EDA: variants seen among roughly 807,000 people sequenced by gnomAD.
EDA encodes ectodysplasin-A.
A neutral mutation model predicts 23.6 loss-of-function variants in EDA; 2 were observed. The observed-to-expected ratio is 0.08, with a 90% CI of 0.03 to 0.27. The LOEUF is 0.27. EDA is among the 10% of genes least tolerant of loss of function. The probability of loss-of-function intolerance (pLI) is 1.00; values close to 1 mark genes in which losing one functional copy is unlikely to be tolerated. For missense variants in EDA, 229 were observed against 324.2 expected (o/e 0.71, Z 2.26); for synonymous variants, 131 against 132.0 (o/e 0.99, Z 0.05).
rs2013904098 is a variant in EDA, at chrX:69,752,108, A to G, written c.396+135404A>G. On this transcript the variant is annotated intron_variant, in intron 1 of 7. Coordinates refer to ENST00000374552, the MANE Select transcript of EDA (RefSeq NM_001399.5). ...GATTGCCCTGGCCAGAACTTCCAAC[A>G]CTATGTTGAATAGGAGTGGTGAGAG... Among the ~76,000 whole-genome samples, 3 of 111,168 alleles carry G rather than the reference A, an allele frequency of 2.7e-5. No homozygotes were observed. In the South Asian group the frequency reaches 1.2e-3, roughly 43 times the overall value.
chrX:69,832,949 T>C (rs1261064449), intron 1 of EDA, among the ~76,000 whole-genome samples: 2 of 110,439 alleles, frequency 1.8e-5, no homozygotes, highest in African/African-American at 3.3e-5. Context: ...GCTGAGACAA[T>C]GGGGTTTTCT....
intron 1 of EDA, among the ~76,000 whole-genome samples, chrX:69,911,957 A>G (rs777625249): frequency 6.2e-5 from 7 of 112,453 alleles, no homozygotes; most frequent in Non-Finnish European, 1.1e-4. Context: ...GTTTTCACAA[A>G]AGATTTCACT....
intron 1 of EDA, among the ~76,000 whole-genome samples, chrX:69,629,205 C>T (rs1280820932): frequency 2.7e-5 from 3 of 111,597 alleles, no homozygotes; most frequent in Admixed American, 9.5e-5. Context: ...ACTGACAGGC[C>T]GCGTTCTGGC....
At chrX:69,788,576 TG>T (rs1206098325) in intron 1 of EDA, among the ~76,000 whole-genome samples, 212 of 111,951 alleles carry the variant, frequency 1.9e-3, no homozygotes, top group African/African-American at 5.7e-3. Flanking sequence ...CTGCCCCTGC[TG>T]GGGGGTGCCT....
chrX:69,761,418 T>C (rs756957753), intron 1 of EDA, among the ~76,000 whole-genome samples: 224 of 111,984 alleles, frequency 2.0e-3, no homozygotes, highest in Non-Finnish European at 3.9e-3. Flanking sequence ...ACATACAGTA[T>C]CTTATTTTGT....
At chrX:69,694,365 A>G (rs1390643780) in intron 1 of EDA, among the ~76,000 whole-genome samples, 3 of 112,429 alleles carry the variant, frequency 2.7e-5, no homozygotes, top group African/African-American at 9.7e-5. Flanking sequence ...CTGACTTGTT[A>G]TGAAAATCTG....
At chrX:69,718,256 T>TTTTC (rs756159452) in intron 1 of EDA, among the ~76,000 whole-genome samples, 64 of 111,026 alleles carry the variant, frequency 5.8e-4, no homozygotes, top group African/African-American at 1.5e-3. Context: ...ACAAAGATAG[T>TTTTC]TTTCTTTCTT....
intron 1 of EDA, among the ~76,000 whole-genome samples, chrX:69,681,353 A>G (rs1280626708): frequency 1.8e-5 from 2 of 109,324 alleles, no homozygotes; most frequent in Non-Finnish European, 3.8e-5. Flanking sequence ...TATTTCCTGA[A>G]TCTGAACGTT....
At chrX:70,007,700 TAAC>T (rs1342679964) in intron 2 of EDA, among the ~76,000 whole-genome samples, 1 of 111,622 alleles carries the variant, frequency 9.0e-6, no homozygotes, top group Non-Finnish European at 1.9e-5. Flanking sequence ...AGTGACATCT[TAAC>T]AATATTGAGT....
intron 2 of EDA, among the ~76,000 whole-genome samples, chrX:69,994,974 T>C (rs888762879): frequency 8.9e-6 from 1 of 112,249 alleles, no homozygotes; most frequent in African/African-American, 3.2e-5. Flanking sequence ...CTTTACAGTA[T>C]CAAATAAAAT....
At chrX:69,705,514 C>T (rs2011684939) in intron 1 of EDA, among the ~76,000 whole-genome samples, 1 of 112,289 alleles carries the variant, frequency 8.9e-6, no homozygotes, top group Admixed American at 9.4e-5. Flanking sequence ...CTCATAGTAG[C>T]AGTAGGGATT....
At chrX:70,009,564 GGTTTTGTTTTGTTTT>G (rs61286017) in intron 2 of EDA, among the ~76,000 whole-genome samples, 17 of 107,550 alleles carry the variant, frequency 1.6e-4, no homozygotes, top group African/African-American at 4.1e-4. Context: ...TGTTTGTTTG[GGTTTTGTTTTGTTTT>G]GTTTTGTTTT....
chrX:69,847,471 T>G (rs745404159), intron 1 of EDA, among the ~76,000 whole-genome samples: 7 of 111,311 alleles, frequency 6.3e-5, no homozygotes, highest in Non-Finnish European at 1.3e-4. Context: ...GGTCATACCC[T>G]CCTCTCTCCT....
chrX:69,651,082 C>T (rs1933090187), intron 1 of EDA, among the ~76,000 whole-genome samples: 1 of 111,600 alleles, frequency 9.0e-6, no homozygotes, highest in African/African-American at 3.3e-5. Context: ...GTGAAAAGTC[C>T]TAAAACAGGA....
rs748529109 is a variant in EDA, at chrX:69,850,051, A to G, written c.397-106976A>G. ...ATGATGTGAGGGTGTGATTAAGGCC[A>G]TATCTATACCTGACCTGCATACTGA... On this transcript the variant is annotated intron_variant, in intron 1 of 7. Coordinates refer to ENST00000374552, the MANE Select transcript of EDA (RefSeq NM_001399.5). Among the ~76,000 whole-genome samples, 3 of 112,462 alleles carry G rather than the reference A, an allele frequency of 2.7e-5. No individual in the cohort carries two copies. The South Asian group carries it at 1.1e-3, about 42-fold the overall frequency.
At chrX:69,921,719 G>A (rs769213193) in intron 1 of EDA, among the ~76,000 whole-genome samples, 16 of 111,101 alleles carry the variant, frequency 1.4e-4, no homozygotes, top group Non-Finnish European at 2.3e-4. Flanking sequence ...CTTCAGAGAA[G>A]TTGTTTCATA....
chrX:69,971,941 C>A (rs970529501), intron 2 of EDA, among the ~76,000 whole-genome samples: 23 of 111,130 alleles, frequency 2.1e-4, no homozygotes, highest in African/African-American at 7.5e-4. Context: ...GTAGACAATG[C>A]AGTTGTCTAT....
In EDA at chrX:69,853,787, T is replaced by C. The variant is rs1379766283; in HGVS notation, c.397-103240T>C. ...CAAATGTTTTCTGTAAAAAGCGCAA[T>C]AATAATTATTTTAGGCTTTGCGGGC... On this transcript the variant is annotated intron_variant, in intron 1 of 7. Coordinates refer to ENST00000374552, the MANE Select transcript of EDA (RefSeq NM_001399.5). Among the ~76,000 whole-genome samples the C allele has an allele frequency of 1.2e-4, 13 of 112,334 alleles. 1 individual carries two copies. Among genetic ancestry groups the C allele is most frequent in the African/African-American group, 4.2e-4 (13 of 30,938 alleles).
chrX:69,627,708 C>T (rs1211656648), intron 1 of EDA, among the ~76,000 whole-genome samples: 3 of 112,424 alleles, frequency 2.7e-5, no homozygotes, highest in Non-Finnish European at 3.8e-5. Flanking sequence ...GTCTGTATCA[C>T]CTGTGTTACT....
Sources: allele counts gnomAD v4.1 joint callset (sites outside exome capture counted in the v4.1 genomes callset), GRCh38; gene constraint gnomAD v4.1.1; transcripts MANE v1.5; gene names NCBI Gene and HGNC (gene_info 2026-07-23, HGNC 2026-07-21).